Variants in CDH18 observed in about 807,000 individuals in gnomAD.
CDH18 encodes cadherin-18.
A neutral mutation model predicts 67.9 loss-of-function variants in CDH18; 31 were observed. That is an observed-to-expected ratio of 0.46 (90% CI 0.34 to 0.62). CDH18 has a LOEUF of 0.62. Among genes scored for constraint, CDH18 ranks in the 20% least tolerant of loss-of-function variants. The probability of loss-of-function intolerance (pLI) is 0.01; values close to 1 mark genes in which losing one functional copy is unlikely to be tolerated. For synonymous variants in CDH18, 362 were observed against 347.2 expected, an observed-to-expected ratio of 1.04 and a Z score of -0.48; for missense variants, 890 against 975.5, an observed-to-expected ratio of 0.91 and a Z score of 1.17.
chr5:20,156,125 T>G (rs1418644230), intron 2 of CDH18, among the ~76,000 whole-genome samples: 1 of 152,014 alleles, frequency 6.6e-6, no homozygotes, highest in Non-Finnish European at 1.5e-5. Flanking sequence ...CACTTATTCA[T>G]TGTGGGTGAG....
chr5:20,056,631 G>C lies in CDH18; in HGVS notation c.-517-64617C>G, dbSNP rs549518133. Among the ~76,000 whole-genome samples the C allele has an allele frequency of 1.6e-4, 22 of 139,678 alleles. No homozygotes were observed. The East Asian group carries it at 4.7e-3, about 30-fold the overall frequency. The allele number at this position is 139,678 out of a possible 152,430, so 91.6% of individuals were successfully genotyped here. ...GAGAAAATAATATTTTCTACCCACA[G>C]TTGCTGAGACAAACTAAAAAGCTAT... On this transcript the variant is annotated intron_variant, in intron 2 of 14. Transcript: ENST00000507958.
At chr5:19,583,724 C>T (rs1053240835) in intron 7 of CDH18, among the ~76,000 whole-genome samples, 3 of 152,114 alleles carry the variant, frequency 2.0e-5, no homozygotes, top group Non-Finnish European at 4.4e-5. Flanking sequence ...GCACAATTTT[C>T]ACCTCGTTTC....
intron 1 of CDH18, among the ~76,000 whole-genome samples, chr5:20,445,498 G>A (rs975885501): frequency 6.6e-6 from 1 of 152,150 alleles, no homozygotes; most frequent in African/African-American, 2.4e-5. Flanking sequence ...TTTCAATAGA[G>A]GTCAAGACTA....
intron 1 of CDH18, among the ~76,000 whole-genome samples, chr5:20,406,250 GC>G (rs1746242524): frequency 1.3e-5 from 2 of 152,156 alleles, no homozygotes; most frequent in Admixed American, 1.3e-4. Flanking sequence ...ATACTATGCA[GC>G]CATAAAAAAG....
intron 2 of CDH18, among the ~76,000 whole-genome samples, chr5:19,873,008 A>G (rs1786494051): frequency 6.6e-6 from 1 of 152,152 alleles, no homozygotes; most frequent in Non-Finnish European, 1.5e-5. Flanking sequence ...AGAAGTATAT[A>G]AATAGTGAAG....
At chr5:19,897,955 T>G (rs2150103548) in intron 2 of CDH18, among the ~76,000 whole-genome samples, 1 of 152,200 alleles carries the variant, frequency 6.6e-6, no homozygotes, top group Non-Finnish European at 1.5e-5. Context: ...GAAGGGAACA[T>G]GGGTGAGTTC....
intron 10 of CDH18, among the ~76,000 whole-genome samples, chr5:19,509,844 A>G (rs775359878): frequency 6.6e-6 from 1 of 152,134 alleles, no homozygotes; most frequent in Non-Finnish European, 1.5e-5. Flanking sequence ...AATTTCATGC[A>G]TGCATGCCTT....
intron 2 of CDH18, among the ~76,000 whole-genome samples, chr5:19,896,655 T>G (rs1579478561): frequency 1.3e-5 from 2 of 152,314 alleles, no homozygotes. Flanking sequence ...GAAAACCAAT[T>G]TCTAGCGTTT....
chr5:19,786,742 A>G (rs555014981), intron 3 of CDH18, among the ~76,000 whole-genome samples: 1 of 152,240 alleles, frequency 6.6e-6, no homozygotes, highest in South Asian at 2.1e-4. Flanking sequence ...ATTAATGTGC[A>G]CCTAGAGAAA....
chr5:19,613,950 T>C (rs1354026426), intron 5 of CDH18, among the ~76,000 whole-genome samples: 1 of 152,122 alleles, frequency 6.6e-6, no homozygotes, highest in Non-Finnish European at 1.5e-5. Context: ...TCATTAAAAA[T>C]ATTTGAAGCA....
chr5:19,992,230 C>A (rs1345755943), upstream of CDH18, among the ~76,000 whole-genome samples: 1 of 151,942 alleles, frequency 6.6e-6, no homozygotes, highest in Non-Finnish European at 1.5e-5. Context: ...AACCAATGAG[C>A]TTTTCTGGCT....
At chr5:19,893,533 T>C (rs892560518) in intron 2 of CDH18, among the ~76,000 whole-genome samples, 1 of 152,180 alleles carries the variant, frequency 6.6e-6, no homozygotes, top group South Asian at 2.1e-4. Context: ...ATTCCTAGTT[T>C]GTAAGCAGAG....
intron 2 of CDH18, among the ~76,000 whole-genome samples, chr5:20,049,658 C>T (rs1206015328): frequency 2.6e-5 from 4 of 151,646 alleles, no homozygotes; most frequent in Non-Finnish European, 4.4e-5. Context: ...TTTGGCTTCA[C>T]GGTAATATTT....
chr5:20,075,870 A>T (rs887328549), intron 2 of CDH18, among the ~76,000 whole-genome samples: 1 of 152,100 alleles, frequency 6.6e-6, no homozygotes, highest in Admixed American at 6.5e-5. Flanking sequence ...ACAGATAAAA[A>T]TAATTGAGTA....
In CDH18 at chr5:19,787,449, C is replaced by CAA. The variant is rs755878928; in HGVS notation, c.229-40215_229-40214dup. ...CCTGGGCAACAGAGCGAGACTGTTT[C>CAA]AAAAAAAAAAAAATTGTTTAATGTA... On this transcript the variant is annotated intron_variant, in intron 3 of 12. Transcript: ENST00000382275. Among the ~76,000 whole-genome samples the CAA allele has an allele frequency of 4.2e-3, 574 of 136,072 alleles. 5 individuals carry two copies. The highest frequency in any genetic ancestry group is 0.015 in the African/African-American group (550 of 37,032). The allele number at this position is 136,072 out of a possible 152,430, so 89.3% of individuals were successfully genotyped here. A position where few individuals can be genotyped will look rare whatever the true frequency, so the allele number is the denominator to read the frequency against.
intron 4 of CDH18, among the ~76,000 whole-genome samples, chr5:19,742,136 G>A (rs1187757765): frequency 6.6e-6 from 1 of 151,764 alleles, no homozygotes; most frequent in Non-Finnish European, 1.5e-5. Context: ...AGACTTTGTC[G>A]GCAGATTATT....
intron 3 of CDH18, among the ~76,000 whole-genome samples, chr5:19,755,440 T>TATATATATAC (rs1771434297): frequency 9.0e-5 from 1 of 11,068 alleles, no homozygotes; most frequent in South Asian, 0.019. Context: ...TGTATATATA[T>TATATATATAC]ATATATATAT....
intron 1 of CDH18, among the ~76,000 whole-genome samples, chr5:20,391,670 AC>A (rs1451935091): frequency 6.6e-6 from 1 of 152,154 alleles, no homozygotes; most frequent in East Asian, 1.9e-4. Context: ...TTGTTTGCAG[AC>A]AAACAAATTT....
intron 2 of CDH18, among the ~76,000 whole-genome samples, chr5:20,114,819 C>G (rs1474382697): frequency 6.6e-6 from 1 of 151,912 alleles, no homozygotes; most frequent in East Asian, 1.9e-4. Flanking sequence ...ATGTGGAGAG[C>G]CAGAATCGTC....
Sources: gnomAD v4.1 joint callset for allele counts (sites outside exome capture counted in the v4.1 genomes callset) on GRCh38, gnomAD v4.1.1 for gene constraint, MANE v1.5 for transcripts, NCBI Gene and HGNC (gene_info 2026-07-23, HGNC 2026-07-21) for gene names.